NOX3: variants seen among roughly 807,000 people sequenced by gnomAD.
NOX3 encodes the protein NADPH oxidase catalytic subunit-like 3.
NOX3 carries 74 observed loss-of-function variants against 76.7 expected under a neutral mutation model. That is an observed-to-expected ratio of 0.96 (90% CI 0.80 to 1.17). The LOEUF is 1.17. NOX3 is among the 50% of genes most tolerant of loss of function. The pLI, the probability that NOX3 is intolerant of heterozygous loss-of-function variation, is 0.00. For missense variants in NOX3, 695 were observed against 703.3 expected, an observed-to-expected ratio of 0.99 and a Z score of 0.13; for synonymous variants, 263 against 261.1, an observed-to-expected ratio of 1.01 and a Z score of -0.07.
At chr6:155,442,783 C>A (rs1777010664) in intron 5 of NOX3, among the ~76,000 whole-genome samples, 1 of 152,146 alleles carries the variant, frequency 6.6e-6, no homozygotes, top group African/African-American at 2.4e-5. Context: ...AGCTGCTTTG[C>A]CCAGTATCTG....
chr6:155,443,869 TAATA>T lies in NOX3; in HGVS notation c.341-455_341-452del, dbSNP rs140068535. Among the ~76,000 whole-genome samples, 962 of 152,082 alleles carry T rather than the reference TAATA, an allele frequency of 6.3e-3. 11 individuals are homozygous for T. The highest frequency in any genetic ancestry group is 0.021 in the African/African-American group (856 of 41,440). ...ATCTCCACATTTATTTAAGTTATAT[TAATA>T]AATAAAGTAAATCTCAGTTCATCAT... is the stretch of plus-strand genomic sequence containing the variant. On this transcript the variant is annotated intron_variant, in intron 4 of 13. Coordinates refer to ENST00000159060, the MANE Select transcript of NOX3 (RefSeq NM_015718.3).
chr6:155,447,048 C>CTT (rs34046104), intron 4 of NOX3, among the ~76,000 whole-genome samples: 21 of 143,846 alleles, frequency 1.5e-4, no homozygotes, highest in East Asian at 2.0e-4. Context: ...TATTTTATAA[C>CTT]TTTTTTTTTT....
chr6:155,406,990 A>G, intron 12 of NOX3, 140 bp downstream of exon 12: 1 of 877,170 alleles, frequency 1.1e-6, no homozygotes, highest in Non-Finnish European at 1.7e-6. Context: ...CCTGAAATAT[A>G]CCATTGATCA....
chr6:155,412,510 C>T (rs543863581), intron 10 of NOX3, among the ~76,000 whole-genome samples: 6 of 152,202 alleles, frequency 3.9e-5, no homozygotes, highest in Middle Eastern at 6.8e-3. Flanking sequence ...AAAAACTGGG[C>T]CCACATATTT....
chr6:155,444,771 C>T (rs915722018), intron 4 of NOX3, among the ~76,000 whole-genome samples: 1 of 152,138 alleles, frequency 6.6e-6, no homozygotes, highest in Non-Finnish European at 1.5e-5. Flanking sequence ...GGATGGCAGT[C>T]GGGGTCAGTA....
chr6:155,397,733 C>CT (rs1779158356), intron 12 of NOX3, among the ~76,000 whole-genome samples: 1 of 152,186 alleles, frequency 6.6e-6, no homozygotes, highest in Admixed American at 6.5e-5. Context: ...CTGTTCAGCC[C>CT]TGCCTTTTTA....
chr6:155,410,530 G>A (rs1333725670), intron 11 of NOX3, among the ~76,000 whole-genome samples: 2 of 152,116 alleles, frequency 1.3e-5, no homozygotes, highest in African/African-American at 4.8e-5. Flanking sequence ...CAATGTAGTA[G>A]TTATCATTCA....
At chr6:155,420,132 T>C (rs1245314649) in intron 10 of NOX3, among the ~76,000 whole-genome samples, 1 of 152,154 alleles carries the variant, frequency 6.6e-6, no homozygotes, top group Non-Finnish European at 1.5e-5. Flanking sequence ...AGGAAAGATA[T>C]GTGACATAAC....
chr6:155,448,091 G>T (rs1362900654), intron 4 of NOX3, among the ~76,000 whole-genome samples: 1 of 152,174 alleles, frequency 6.6e-6, no homozygotes, highest in Non-Finnish European at 1.5e-5. Context: ...GTAACAGAAA[G>T]AATACTGAAG....
At chr6:155,447,198 C>T (rs1056064415) in intron 4 of NOX3, among the ~76,000 whole-genome samples, 8 of 152,088 alleles carry the variant, frequency 5.3e-5, no homozygotes, top group African/African-American at 1.9e-4. Flanking sequence ...GCACACGCCA[C>T]CATGCCCAGC....
intron 9 of NOX3, among the ~76,000 whole-genome samples, chr6:155,423,791 A>G (rs1776722693): frequency 7.2e-6 from 1 of 138,270 alleles, no homozygotes. Context: ...ACCAGGCTGG[A>G]GTGCAGTGAT....
intron 10 of NOX3, among the ~76,000 whole-genome samples, chr6:155,414,079 GT>G (rs1259201011): frequency 1.3e-5 from 2 of 152,108 alleles, no homozygotes; most frequent in African/African-American, 4.8e-5. Context: ...GGCTTTGTGT[GT>G]TTTTCCCTCC....
intron 10 of NOX3, among the ~76,000 whole-genome samples, chr6:155,412,951 CA>C (rs2114682290): frequency 6.6e-6 from 1 of 152,274 alleles, no homozygotes; most frequent in South Asian, 2.1e-4. Flanking sequence ...GAAGTGCATG[CA>C]GAAACCCCAG....
chr6:155,455,731 G>GTT (rs1174760809), intron 1 of NOX3, 22 bp downstream of exon 1: 1 of 1,591,850 alleles, frequency 6.3e-7, no homozygotes, highest in East Asian at 2.2e-5. Flanking sequence ...ATTTAAAGTT[G>GTT]AATAACAAAA....
At chr6:155,411,436 C>T in intron 10 of NOX3, 76 bp from the exon 11 acceptor site, 1 of 1,387,442 alleles carries the variant, frequency 7.2e-7, no homozygotes, top group African/African-American at 1.5e-5. Flanking sequence ...ACTTTATCTC[C>T]ATTAAATTAT....
At chr6:155,409,823 A>G (rs542638132) in intron 11 of NOX3, among the ~76,000 whole-genome samples, 3 of 152,258 alleles carry the variant, frequency 2.0e-5, no homozygotes, top group East Asian at 3.9e-4. Flanking sequence ...GAAAAAAAAT[A>G]TATGTTTTAT....
At chr6:155,448,192 C>T (rs1777089374) in intron 4 of NOX3, among the ~76,000 whole-genome samples, 1 of 152,098 alleles carries the variant, frequency 6.6e-6, no homozygotes, top group Non-Finnish European at 1.5e-5. Context: ...TATCTAAGCC[C>T]CCTTCCAGCT....
intron 10 of NOX3, among the ~76,000 whole-genome samples, chr6:155,417,344 G>A (rs991466073): frequency 6.6e-6 from 1 of 152,198 alleles, no homozygotes; most frequent in African/African-American, 2.4e-5. Context: ...GCAAAGTTGG[G>A]GAGGTGTTTA....
intron 11 of NOX3, among the ~76,000 whole-genome samples, chr6:155,409,529 A>G (rs1776514093): frequency 6.6e-6 from 1 of 152,148 alleles, no homozygotes; most frequent in Admixed American, 6.5e-5. Context: ...TTCTCAGCCC[A>G]ATGTTCAATT....
Sources: allele counts gnomAD v4.1 joint callset (sites outside exome capture counted in the v4.1 genomes callset), GRCh38; gene constraint gnomAD v4.1.1; transcripts MANE v1.5; gene names NCBI Gene and HGNC (gene_info 2026-07-23, HGNC 2026-07-21).